Variants in ACYP2 observed in about 807,000 individuals in gnomAD.
ACYP2 encodes acylphosphatase 2.
ACYP2 carries 12 observed loss-of-function variants against 11.2 expected under a neutral mutation model. The observed-to-expected ratio is 1.08, with a 90% CI of 0.69 to 1.74. The LOEUF is 1.74. ACYP2 is among the 40% of genes most tolerant of loss of function. The probability of loss-of-function intolerance (pLI) is 0.00; values close to 1 mark genes in which losing one functional copy is unlikely to be tolerated. For synonymous variants in ACYP2, 43 were observed against 32.2 expected (o/e 1.33, Z -1.13); for missense variants, 134 against 101.9 (o/e 1.31, Z -1.35).
intron 4 of ACYP2, among the ~76,000 whole-genome samples, chr2:54,124,781 A>G (rs967836033): frequency 6.6e-6 from 1 of 152,152 alleles, no homozygotes; most frequent in Non-Finnish European, 1.5e-5. Flanking sequence ...GCTCACTGCA[A>G]TCTCGACCTC....
intron 2 of ACYP2, among the ~76,000 whole-genome samples, chr2:53,993,113 C>T (rs539456458): frequency 3.9e-5 from 6 of 152,020 alleles, no homozygotes; most frequent in East Asian, 1.9e-4. Context: ...GGCTGAGGCA[C>T]GAGAATCGCT....
intron 5 of ACYP2, 49 bp downstream of exon 2, chr2:54,135,518 T>G (rs1681170881): frequency 6.4e-7 from 1 of 1,557,756 alleles, no homozygotes; most frequent in African/African-American, 1.4e-5. Flanking sequence ...TCCACTGTTA[T>G]TCCCAATTAC....
intron 6 of ACYP2, among the ~76,000 whole-genome samples, chr2:54,268,639 CAAAAAAA>C (rs34122735): frequency 1.2e-4 from 10 of 81,286 alleles, no homozygotes; most frequent in South Asian, 4.0e-4. Flanking sequence ...CAGTCTCTAC[CAAAAAAA>C]AAAAAAAAAA....
At chr2:54,099,900 A>G (rs965972207) in intron 4 of ACYP2, among the ~76,000 whole-genome samples, 1 of 152,016 alleles carries the variant, frequency 6.6e-6, no homozygotes, top group Non-Finnish European at 1.5e-5. Context: ...ACTAATGTAC[A>G]CTCCCACCAA....
chr2:53,974,630 A>G (rs1671375487), intron 2 of ACYP2, among the ~76,000 whole-genome samples: 1 of 152,234 alleles, frequency 6.6e-6, no homozygotes, highest in African/African-American at 2.4e-5. Context: ...TTTTTCCCTA[A>G]TACTGTTTAG....
chr2:54,182,919 A>C (rs1397046777), intron 6 of ACYP2, among the ~76,000 whole-genome samples: 4 of 152,226 alleles, frequency 2.6e-5, no homozygotes, highest in Non-Finnish European at 5.9e-5. Flanking sequence ...GAAAGGATAA[A>C]GGATATCTAT....
At chr2:53,975,354 A>G in intron 2 of ACYP2, 2 of 398,422 alleles carry the variant, frequency 5.0e-6, no homozygotes, top group East Asian at 3.6e-5. Flanking sequence ...CTTATTCTAA[A>G]TAAAGTTTCA....
intron 6 of ACYP2, among the ~76,000 whole-genome samples, chr2:54,162,920 C>T (rs1231585107): frequency 1.3e-5 from 2 of 152,144 alleles, no homozygotes; most frequent in Non-Finnish European, 2.9e-5. Context: ...CCTGAGAAGT[C>T]AAGGCTGCGG....
chr2:54,141,983 TTGTGTGTGTGTG>T (rs56673055), intron 6 of ACYP2: 20 of 459,466 alleles, frequency 4.4e-5, no homozygotes, highest in Non-Finnish European at 5.9e-5. Context: ...GCTGGCTAAT[TTGTGTGTGTGTG>T]TGTGTGTGTG....
intron 4 of ACYP2, among the ~76,000 whole-genome samples, chr2:54,097,614 C>A (rs990053261): frequency 6.6e-6 from 1 of 151,580 alleles, no homozygotes; most frequent in Non-Finnish European, 1.5e-5. Context: ...GTATGGTGAA[C>A]CCTAGGAATC....
At chr2:54,012,891 C>G (rs928618822) in intron 2 of ACYP2, among the ~76,000 whole-genome samples, 1 of 151,998 alleles carries the variant, frequency 6.6e-6, no homozygotes, top group Non-Finnish European at 1.5e-5. Context: ...CCTACAAGGC[C>G]CTGAGTGCTC....
intron 2 of ACYP2, among the ~76,000 whole-genome samples, chr2:53,991,670 G>A (rs1672303132): frequency 1.3e-5 from 2 of 152,108 alleles, no homozygotes; most frequent in Admixed American, 6.6e-5. Flanking sequence ...CTCCCAAAGT[G>A]TTGGGGTTAC....
At chr2:54,232,459 T>C (rs1265398251) in intron 6 of ACYP2, among the ~76,000 whole-genome samples, 2 of 151,902 alleles carry the variant, frequency 1.3e-5, no homozygotes, top group South Asian at 2.1e-4. Flanking sequence ...TGGTGTTACA[T>C]TGCTTAGTTT....
rs572823487 is a variant in ACYP2, at chr2:54,132,244, G to C, written c.278-3209G>C. ...TTTTATCTCTCTCCTACCTGGTCTG[G>C]TTGACCTGAAGTTTCTGGAATTTTC... is the stretch of plus-strand genomic sequence containing the variant. On this transcript the variant is annotated intron_variant, in intron 4 of 6. Transcript: ENST00000607452. 2.0e-5 allele frequency among the ~76,000 whole-genome samples: 3 copies of C among 152,186 alleles called. 1 individual carries two copies. In the South Asian group the frequency reaches 6.2e-4, roughly 32 times the overall value.
At chr2:54,221,950 T>C (rs955792692) in intron 6 of ACYP2, among the ~76,000 whole-genome samples, 11 of 152,156 alleles carry the variant, frequency 7.2e-5, no homozygotes, top group African/African-American at 2.7e-4. Context: ...TGGCTGGCAT[T>C]TGTTAAGGGC....
At chr2:54,080,106 G>C in intron 4 of ACYP2, 1 of 209,642 alleles carries the variant, frequency 4.8e-6, no homozygotes, top group South Asian at 8.9e-5. Context: ...CCATAATGCA[G>C]CTTCATATAC....
chr2:54,201,206 C>T (rs986353551), intron 6 of ACYP2, among the ~76,000 whole-genome samples: 2 of 151,944 alleles, frequency 1.3e-5, no homozygotes, highest in East Asian at 1.9e-4. Context: ...CCTGGGTTCA[C>T]GCCATTCTCC....
chr2:54,254,163 CCTGT>C (rs1414467300), intron 6 of ACYP2: 2 of 152,234 alleles, frequency 1.3e-5, no homozygotes, highest in African/African-American at 2.4e-5. Flanking sequence ...CCCTCAACCA[CCTGT>C]CTAACAAACA....
chr2:54,205,978 T>C (rs567841703), intron 6 of ACYP2, among the ~76,000 whole-genome samples: 1 of 152,362 alleles, frequency 6.6e-6, no homozygotes, highest in East Asian at 1.9e-4. Flanking sequence ...TTCTCTTTAA[T>C]AATTCCTATA....
Sources: allele counts gnomAD v4.1 joint callset (sites outside exome capture counted in the v4.1 genomes callset), GRCh38; gene constraint gnomAD v4.1.1; transcripts MANE v1.5; gene names NCBI Gene and HGNC (gene_info 2026-07-23, HGNC 2026-07-21).